Variants in SGCZ observed in about 807,000 individuals in gnomAD.
The protein encoded by SGCZ is zeta-sarcoglycan.
Under a neutral mutation model 41.3 loss-of-function variants are expected in SGCZ, and 40 were observed. The ratio of observed to expected loss-of-function variants is 0.97; its 90% CI spans 0.75 to 1.26. The LOEUF is 1.26. SGCZ is among the 50% of genes most tolerant of loss of function. SGCZ has a pLI of 0.00. For missense variants in SGCZ, 552 were observed against 369.8 expected (o/e 1.49, Z -4.04); for synonymous variants, 206 against 137.5 (o/e 1.50, Z -3.49).
At chr8:14,609,066 G>C (rs1805845468) in intron 1 of SGCZ, among the ~76,000 whole-genome samples, 1 of 152,060 alleles carries the variant, frequency 6.6e-6, no homozygotes, top group Admixed American at 6.5e-5. Flanking sequence ...TCAAATATTT[G>C]TTTTTATGAT....
chr8:14,339,513 G>A (rs143857193), intron 2 of SGCZ, among the ~76,000 whole-genome samples: 1,683 of 152,180 alleles, frequency 0.011, 27 homozygotes, highest in African/African-American at 0.037. Context: ...CAGAATCATC[G>A]TCAATGTTTT....
At chr8:15,130,032 T>A (rs1807843007) in intron 1 of SGCZ, among the ~76,000 whole-genome samples, 1 of 152,114 alleles carries the variant, frequency 6.6e-6, no homozygotes, top group Non-Finnish European at 1.5e-5. Context: ...AAATATGAGT[T>A]GTTCTTTTCT....
At chr8:14,494,079 G>A (rs960194308) in intron 2 of SGCZ, among the ~76,000 whole-genome samples, 4 of 152,122 alleles carry the variant, frequency 2.6e-5, no homozygotes, top group Non-Finnish European at 5.9e-5. Flanking sequence ...TTGTTCGCGT[G>A]TTTTCAGGAG....
chr8:15,064,081 C>A (rs1012520353), intron 1 of SGCZ, among the ~76,000 whole-genome samples: 1 of 152,136 alleles, frequency 6.6e-6, no homozygotes, highest in Non-Finnish European at 1.5e-5. Flanking sequence ...TGCTAGTGTT[C>A]CGCAAATGTT....
chr8:15,104,775 T>C (rs1425903762), intron 1 of SGCZ, among the ~76,000 whole-genome samples: 2 of 152,204 alleles, frequency 1.3e-5, no homozygotes, highest in Non-Finnish European at 2.9e-5. Flanking sequence ...TATGGAACAC[T>C]CCATATTATG....
At chr8:14,608,115 G>A (rs1228215777) in intron 1 of SGCZ, among the ~76,000 whole-genome samples, 1 of 151,958 alleles carries the variant, frequency 6.6e-6, no homozygotes. Context: ...AATACAACCA[G>A]AACAAAAAGA....
At position 14,471,451 on chromosome 8, in the gene SGCZ, A is replaced by G. The variant is rs546608388; in HGVS notation, c.234+83281T>C. 2.6e-5 allele frequency among the ~76,000 whole-genome samples: 4 copies of G among 152,270 alleles called. No homozygotes were observed. The East Asian group carries it at 7.7e-4, about 29-fold the overall frequency. Reference sequence around the variant, plus strand: ...ACCATTCCAATGATATATTTTATATATATATGAATGATACAACATCCAATT... The same window carrying G: ...ACCATTCCAATGATATATTTTATATGTATATGAATGATACAACATCCAATT... On this transcript the variant is annotated intron_variant, in intron 2 of 7. Transcript: ENST00000382080.
At chr8:15,066,246 T>C (rs1805138606) in intron 1 of SGCZ, among the ~76,000 whole-genome samples, 1 of 149,252 alleles carries the variant, frequency 6.7e-6, no homozygotes, top group Non-Finnish European at 1.5e-5. Flanking sequence ...AAGCGGAGCT[T>C]GCCGTGAGCC....
intron 1 of SGCZ, among the ~76,000 whole-genome samples, chr8:14,701,817 C>G (rs975259255): frequency 6.6e-6 from 1 of 151,922 alleles, no homozygotes; most frequent in Non-Finnish European, 1.5e-5. Flanking sequence ...CCCACCCAAG[C>G]AAGATTTCTT....
At chr8:14,431,120 C>A (rs1161067609) in intron 2 of SGCZ, among the ~76,000 whole-genome samples, 2 of 152,096 alleles carry the variant, frequency 1.3e-5, no homozygotes, top group Non-Finnish European at 2.9e-5. Context: ...CTATCAAAAG[C>A]AATCTACAAA....
rs76202869 is a variant in SGCZ at position 14,630,124 on chromosome 8, T to G, written c.40-75198A>C. On this transcript the variant is annotated intron_variant, in intron 1 of 7. Transcript: ENST00000382080. ...GTTAGTTTCTTGCCTCATCCCTTAT[T>G]TACTTCTCCCTATGAAAGCAAAATG... is the stretch of plus-strand genomic sequence containing the variant. Among the ~76,000 whole-genome samples, 1,344 of 152,298 alleles carry G rather than the reference T, an allele frequency of 8.8e-3. 19 individuals are homozygous for G. The highest frequency in any genetic ancestry group is 0.031 in the African/African-American group (1,273 of 41,568).
chr8:14,259,628 C>A (rs564127861), intron 3 of SGCZ, among the ~76,000 whole-genome samples: 8 of 132,264 alleles, frequency 6.0e-5, no homozygotes, highest in African/African-American at 2.1e-4. Context: ...TGTAGATATG[C>A]GGCGTTATTT....
chr8:15,193,309 G>A (rs1800602319), intron 1 of SGCZ, among the ~76,000 whole-genome samples: 1 of 152,102 alleles, frequency 6.6e-6, no homozygotes, highest in South Asian at 2.1e-4. Flanking sequence ...GGCTAGCCAA[G>A]AATTCTAAAG....
intron 4 of SGCZ, among the ~76,000 whole-genome samples, chr8:14,220,017 A>T (rs949583935): frequency 1.3e-5 from 2 of 152,240 alleles, no homozygotes; most frequent in Admixed American, 1.3e-4. Context: ...TGATTAATAA[A>T]GATGTGTTTG....
chr8:14,288,990 T>C (rs1800746946), intron 3 of SGCZ, among the ~76,000 whole-genome samples: 1 of 152,140 alleles, frequency 6.6e-6, no homozygotes, highest in African/African-American at 2.4e-5. Context: ...TGCAATGATA[T>C]CTTATTGTGG....
intron 2 of SGCZ, among the ~76,000 whole-genome samples, chr8:14,328,829 T>G (rs960238268): frequency 6.6e-6 from 1 of 152,194 alleles, no homozygotes; most frequent in African/African-American, 2.4e-5. Flanking sequence ...TCCTCCCTTG[T>G]GAATGGAACT....
At chr8:14,292,142 TA>T (rs371686212) in intron 3 of SGCZ, among the ~76,000 whole-genome samples, 60 of 152,148 alleles carry the variant, frequency 3.9e-4, no homozygotes, top group African/African-American at 1.4e-3. Context: ...ATCAATGTAA[TA>T]AAAACTTATT....
At chr8:14,325,150 T>C (rs912653169) in intron 2 of SGCZ, among the ~76,000 whole-genome samples, 1 of 152,138 alleles carries the variant, frequency 6.6e-6, no homozygotes, top group Non-Finnish European at 1.5e-5. Flanking sequence ...CTTGAAATGA[T>C]TGGAGGCAGG....
chr8:14,125,493 G>C (rs1484540502), intron 5 of SGCZ, among the ~76,000 whole-genome samples: 1 of 129,646 alleles, frequency 7.7e-6, no homozygotes, highest in Non-Finnish European at 1.6e-5. Context: ...GACAGAGAAA[G>C]ATTCCGTCTC....
Sources: allele counts gnomAD v4.1 joint callset (sites outside exome capture counted in the v4.1 genomes callset), GRCh38; gene constraint gnomAD v4.1.1; transcripts MANE v1.5; gene names NCBI Gene and HGNC (gene_info 2026-07-23, HGNC 2026-07-21).